The following ZNF202 variants were observed in gnomAD, a reference collection of about 807,000 sequenced individuals.
ZNF202 encodes the protein zinc finger protein 202.
In ZNF202, 22 loss-of-function variants were observed where a neutral mutation model predicts 54.5. That is an observed-to-expected ratio of 0.40 (90% CI 0.29 to 0.58). The LOEUF is 0.58. ZNF202 is among the 20% of genes least tolerant of loss of function. The pLI is 0.39. For missense variants in ZNF202, 644 were observed against 805.5 expected (o/e 0.80, Z 2.43); for synonymous variants, 294 against 301.4 (o/e 0.98, Z 0.26).
chr11:123,740,309 C>T (rs1034791881), intron 2 of ZNF202, 108 bp downstream of exon 2: 2 of 152,270 alleles, frequency 1.3e-5, no homozygotes, highest in Non-Finnish European at 2.9e-5. Context: ...CTCTCTCCAA[C>T]CCTGCCCACC....
rs138937284 is a variant in ZNF202 at position 123,730,672 on chromosome 11, G to T, written c.217C>A (p.Gln73Lys). ...GTCCGCCTCTCTGGTCTCAGCCACT[G>T]GTGACAAAGTTCTCGGAGTCTGATG... is the stretch of plus-strand genomic sequence containing the variant. ...ALIRLRELCHQWLRPERRTKE... is the reference protein window; with the variant it reads ...ALIRLRELCHKWLRPERRTKE... The change falls in exon 4 of 9, where the codon CAG becomes AAG. Residue 73 changes from glutamine (Q) to lysine (K), a missense_variant. Around this residue, in one of 3 missense-constraint regions of ZNF202, gnomAD observed 62 missense variants for 122.8 expected, o/e 0.50. Transcript: ENST00000530393. This position sits in a 1 kb window ranked among gnomAD's most constrained non-coding sequence, Gnocchi z 6.0. The T allele has an allele frequency of 2.9e-5, 46 of 1,613,990 alleles. No individual in the cohort carries two copies. The African/African-American group carries it at 4.7e-4, about 16-fold the overall frequency.
At chr11:123,729,516 A>G in intron 5 of ZNF202, 99 bp downstream of exon 5, 3 of 1,341,714 alleles carry the variant, frequency 2.2e-6, no homozygotes, top group East Asian at 2.5e-5. Context: ...CATACAGTCT[A>G]TCTACCCAGC....
chr11:123,733,330 T>A (rs948883374), intron 3 of ZNF202, among the ~76,000 whole-genome samples: 4 of 152,248 alleles, frequency 2.6e-5, no homozygotes, highest in Non-Finnish European at 5.9e-5. Flanking sequence ...ACTTGCAACA[T>A]ACTTTCACAG....
chr11:123,730,061 CCT>C lies in ZNF202; in HGVS notation c.403-238_403-237del, dbSNP rs757414590. On this transcript the variant is annotated intron_variant, in intron 4 of 8. Transcript: ENST00000530393. The surrounding 1 kb of genome is among the most constrained non-coding windows in gnomAD (Gnocchi z 6.0). ...TCTCTCACCACCCCCAGCCTGGGCC[CCT>C]GTCACCCAAGGTTCCTTCCCATCTC... Among the ~76,000 whole-genome samples, 2 of 152,114 alleles carry C rather than the reference CCT, an allele frequency of 1.3e-5. No individual in the cohort carries two copies. The highest frequency in any genetic ancestry group is 2.4e-5 in the African/African-American group (1 of 41,404).
chr11:123,726,653 C>T lies in ZNF202; in HGVS notation c.1291G>A (p.Gly431Arg). 1.2e-6 allele frequency: 2 copies of T among 1,614,128 alleles called. No homozygotes were observed. The highest frequency in any genetic ancestry group is 1.7e-6 in the Non-Finnish European group (2 of 1,180,036). The change falls in exon 9 of 9, where the codon GGA (glycine) becomes AGA (arginine). Residue 431 changes from glycine (G) to arginine (R), a missense_variant. Coordinates refer to ENST00000530393, the MANE Select transcript of ZNF202 (RefSeq NM_003455.4). This position sits in a 1 kb window ranked among gnomAD's most constrained non-coding sequence, Gnocchi z 6.0. ...GEKPYKCMEC[G>R]KSYTRSSHLA... ...TGTGAGCTTCGTGTGTAACTTTTTC[C>T]ACATTCCATACATTTATAGGGTTTC...
intron 6 of ZNF202, 151 bp from the exon 7 acceptor site, chr11:123,728,413 G>A: frequency 1.9e-6 from 2 of 1,033,028 alleles, no homozygotes; most frequent in Non-Finnish European, 2.6e-6. Context: ...GGGGAGCCAT[G>A]TGTCCCCTGT....
Position 123,739,570 on chromosome 11 carries a change from G to A in ZNF202, c.-98+547C>T, listed in dbSNP as rs528562954. On this transcript the variant is annotated intron_variant, in intron 3 of 8. Coordinates refer to ENST00000530393, the MANE Select transcript of ZNF202 (RefSeq NM_003455.4). ...TATCAAGAGAATTAAGAAAATCAAG[G>A]GGAAGAACTTATCAATATTTCACCT... is the stretch of plus-strand genomic sequence containing the variant. The A allele has an allele frequency of 7.2e-5, 11 of 152,218 alleles. No homozygotes were observed. In the East Asian group the frequency reaches 1.5e-3, roughly 21 times the overall value. 9.4% of individuals were successfully genotyped at this position (152,218 alleles called of 1,614,324 possible).
chr11:123,728,340 A>G (rs1186711406), intron 6 of ZNF202, 78 bp from the exon 7 acceptor site: 9 of 1,475,700 alleles, frequency 6.1e-6, no homozygotes, highest in African/African-American at 1.4e-5. Flanking sequence ...AGGTCATACA[A>G]TAGGTGGACT....
At chr11:123,735,609 G>A (rs79213271) in intron 3 of ZNF202, among the ~76,000 whole-genome samples, 1,708 of 152,144 alleles carry the variant, frequency 0.011, 12 homozygotes, top group Middle Eastern at 0.034. Flanking sequence ...CATATGCCCC[G>A]GCCCCAGATC....
At chr11:123,737,489 AG>A (rs1861680963) in intron 3 of ZNF202, among the ~76,000 whole-genome samples, 1 of 152,306 alleles carries the variant, frequency 6.6e-6, no homozygotes, top group African/African-American at 2.4e-5. Flanking sequence ...TAAGGTATAG[AG>A]AAAGGGAAGA....
At chr11:123,735,133 C>T (rs1444023540) in intron 3 of ZNF202, among the ~76,000 whole-genome samples, 1 of 152,066 alleles carries the variant, frequency 6.6e-6, no homozygotes, top group African/African-American at 2.4e-5. Context: ...CTTTCCAAAC[C>T]CCACCCCAAC....
chr11:123,729,259 CA>C (rs1337296811), intron 5 of ZNF202, 45 bp from the exon 6 acceptor site: 2 of 1,570,512 alleles, frequency 1.3e-6, no homozygotes, highest in Non-Finnish European at 1.7e-6. Context: ...CAGCATGCCC[CA>C]ATAATGGGCA....
intron 3 of ZNF202, among the ~76,000 whole-genome samples, chr11:123,732,944 C>G (rs1012209993): frequency 6.6e-6 from 1 of 152,004 alleles, no homozygotes; most frequent in Non-Finnish European, 1.5e-5. Context: ...CCATTATGAC[C>G]CACTAGAAGG....
chr11:123,727,390 A>G (rs914970053), intron 8 of ZNF202, 86 bp downstream of exon 8: 82 of 1,560,862 alleles, frequency 5.3e-5, no homozygotes, highest in Non-Finnish European at 6.2e-5. Context: ...AGAACTGATG[A>G]GAGCGGGGCC....
chr11:123,727,756 C>T (rs939480895), intron 7 of ZNF202, among the ~76,000 whole-genome samples, 161 bp from the exon 8 acceptor site: 4 of 152,126 alleles, frequency 2.6e-5, no homozygotes, highest in African/African-American at 4.8e-5. Context: ...CCAAGGACTG[C>T]GTATCTCTTG....
Position 123,729,120 on chromosome 11 carries a change from G to A in ZNF202, c.702+6C>T. On this transcript the variant is annotated splice_donor_region_variant and intron_variant, in intron 6 of 8. Transcript: ENST00000530393. ...TCTCTGTGGTACAGAGGTAACTAGG[G>A]CACACCTGTGACAGAGCAGTAAGAA... 6.2e-7 allele frequency: 1 copy of A among 1,613,544 alleles called. No individual in the cohort carries two copies. The highest frequency in any genetic ancestry group is 8.5e-7 in the Non-Finnish European group (1 of 1,179,836).
rs1055725307 is a variant in ZNF202, at chr11:123,735,969, G to C, written c.-98+4148C>G. On this transcript the variant is annotated intron_variant, in intron 3 of 8. Coordinates refer to ENST00000530393, the MANE Select transcript of ZNF202 (RefSeq NM_003455.4). ...ATACAATAGAGAGAATATGAAACCA[G>C]GCCAGGATTAAGTAAGAGACTTGGT... 7.9e-5 allele frequency among the ~76,000 whole-genome samples: 12 copies of C among 152,282 alleles called. No individual in the cohort carries two copies. In the South Asian group the frequency reaches 1.7e-3, roughly 21 times the overall value.
At position 123,731,680 on chromosome 11, in the gene ZNF202, G is replaced by C. The variant is rs1861412667; in HGVS notation, c.-97-695C>G. ...AATGCCAGTTTCTCTGTCTATAGAA[G>C]GGAGATAATAATGGTTTTTATCTAA... is the stretch of plus-strand genomic sequence containing the variant. On this transcript the variant is annotated intron_variant, in intron 3 of 8. Coordinates refer to ENST00000530393, the MANE Select transcript of ZNF202 (RefSeq NM_003455.4). Among the ~76,000 whole-genome samples the C allele has an allele frequency of 2.0e-5, 3 of 152,130 alleles. No individual in the cohort carries two copies. In the South Asian group the frequency reaches 6.2e-4, roughly 32 times the overall value.
rs1861059666 is a variant in ZNF202 at position 123,724,901 on chromosome 11, TGCCA to T, written c.*1092_*1095del. 6.6e-6 allele frequency: 1 copy of T among 152,278 alleles called. No individual in the cohort carries two copies. The highest frequency in any genetic ancestry group is 1.5e-5 in the Non-Finnish European group (1 of 68,062). The allele number at this position is 152,278 out of a possible 1,614,324, so 9.4% of individuals were successfully genotyped here. A position where few individuals can be genotyped will look rare whatever the true frequency, so the allele number is the denominator to read the frequency against. On this transcript the variant is annotated 3_prime_UTR_variant, in exon 9 of 9. Coordinates refer to ENST00000530393, the MANE Select transcript of ZNF202 (RefSeq NM_003455.4). ...GGTGTCAGAACAGTCTTGATGGTCT[TGCCA>T]GCAACAGCTTTTTCTTATTTTCCAT...
Sources: gnomAD v4.1 joint callset for allele counts (sites outside exome capture counted in the v4.1 genomes callset) on GRCh38, gnomAD v4.1.1 for gene constraint, gnomAD v4.1.1 regional missense constraint, Gnocchi (gnomAD v3.1) non-coding constraint, MANE v1.5 for transcripts, NCBI Gene and HGNC (gene_info 2026-07-23, HGNC 2026-07-21) for gene names.